PAPSS2: variants seen among roughly 807,000 people sequenced by gnomAD.
PAPSS2 encodes bifunctional 3'-phosphoadenosine 5'-phosphosulfate synthase 2.
PAPSS2 carries 61 observed loss-of-function variants against 66.5 expected under a neutral mutation model. That is an observed-to-expected ratio of 0.92 (90% CI 0.75 to 1.14). The LOEUF is 1.14. Ranked by LOEUF, PAPSS2 falls within the 50% of genes most tolerant of loss-of-function variation. PAPSS2 has a pLI of 0.00. For synonymous variants in PAPSS2, 289 were observed against 287.5 expected, an observed-to-expected ratio of 1.01 and a Z score of -0.05; for missense variants, 708 against 789.6, an observed-to-expected ratio of 0.90 and a Z score of 1.24.
chr10:87,713,337 C>T (rs763299868), intron 3 of PAPSS2, 27 bp downstream of exon 3: 5 of 740,074 alleles, frequency 6.8e-6, no homozygotes, highest in Non-Finnish European at 1.0e-5. Flanking sequence ...AAAAAAAAGG[C>T]ACTACACACG....
chr10:87,672,991 A>G (rs1197107781), intron 1 of PAPSS2, among the ~76,000 whole-genome samples: 1 of 152,230 alleles, frequency 6.6e-6, no homozygotes, highest in African/African-American at 2.4e-5. Flanking sequence ...AAGGATGGGT[A>G]TTTCTGTGTG....
intron 1 of PAPSS2, among the ~76,000 whole-genome samples, chr10:87,663,396 G>A (rs1339433589): frequency 6.6e-6 from 1 of 152,062 alleles, no homozygotes; most frequent in Non-Finnish European, 1.5e-5. Context: ...GCAGGCTTGA[G>A]CCACTGCCCC....
intron 9 of PAPSS2, among the ~76,000 whole-genome samples, chr10:87,732,576 C>T (rs1370787139): frequency 6.6e-6 from 1 of 152,006 alleles, no homozygotes; most frequent in Non-Finnish European, 1.5e-5. Flanking sequence ...AATGCCATTG[C>T]ACACTTCATA....
intron 9 of PAPSS2, among the ~76,000 whole-genome samples, chr10:87,731,450 C>T (rs983025848): frequency 1.3e-5 from 2 of 152,166 alleles, no homozygotes; most frequent in Admixed American, 6.6e-5. Flanking sequence ...CTGCAGCCCA[C>T]GGATCAAAGA....
chr10:87,695,886 AT>A (rs1853228522), intron 1 of PAPSS2, among the ~76,000 whole-genome samples: 1 of 152,132 alleles, frequency 6.6e-6, no homozygotes, highest in African/African-American at 2.4e-5. Flanking sequence ...CCATAAGGAG[AT>A]GCTTTTTAAA....
In PAPSS2 at chr10:87,747,013, G is replaced by C. The variant is rs1242758116; in HGVS notation, c.*1043G>C. On this transcript the variant is annotated 3_prime_UTR_variant, in exon 13 of 13. Coordinates refer to ENST00000456849, the MANE Select transcript of PAPSS2 (RefSeq NM_001015880.2). ...GCTGGTGGCAGTGAAGAAGCACCCA[G>C]GCCACTTGACTCCCAGTCTGGTGCC... The C allele has an allele frequency of 6.6e-6, 1 of 152,100 alleles. No individual in the cohort carries two copies. The highest frequency in any genetic ancestry group is 1.5e-5 in the Non-Finnish European group (1 of 68,016). The allele number at this position is 152,100 out of a possible 1,614,324, so 9.4% of individuals were successfully genotyped here.
chr10:87,701,873 A>G (rs7075360), intron 1 of PAPSS2, among the ~76,000 whole-genome samples: 1 of 152,220 alleles, frequency 6.6e-6, no homozygotes, highest in African/African-American at 2.4e-5. Context: ...ACCTGGGGGA[A>G]AAAACAGTAA....
chr10:87,685,832 C>T (rs1410410929), intron 1 of PAPSS2, among the ~76,000 whole-genome samples: 1 of 152,246 alleles, frequency 6.6e-6, no homozygotes, highest in East Asian at 1.9e-4. Flanking sequence ...CTTGGCTTCT[C>T]CTTGGCTGGA....
At position 87,745,160 on chromosome 10, in the gene PAPSS2, G is replaced by C; in HGVS notation, c.1650G>C (p.Val550=). ...VLSMAPGLTS[V]EIIPFRVAAY... is the part of the protein sequence containing the mutation. ...GCATGGCCCCTGGCCTCACCTCTGT[G>C]GAAATCATTCCATTCCGAGTGGCTG... Residue 550 remains valine, a synonymous_variant, in exon 12 of 13, where the codon GTG becomes GTC. Coordinates refer to ENST00000456849, the MANE Select transcript of PAPSS2 (RefSeq NM_001015880.2). The C allele has an allele frequency of 6.2e-7, 1 of 1,614,090 alleles. No individual in the cohort carries two copies. Among genetic ancestry groups the C allele is most frequent in the Non-Finnish European group, 8.5e-7 (1 of 1,179,990 alleles).
intron 1 of PAPSS2, among the ~76,000 whole-genome samples, chr10:87,706,129 T>A (rs1287427802): frequency 7.5e-6 from 1 of 133,090 alleles, no homozygotes; most frequent in East Asian, 2.4e-4. Context: ...TGTGTGTGTG[T>A]GTGTGTGTGT....
chr10:87,689,485 G>A (rs1853140239), intron 1 of PAPSS2, among the ~76,000 whole-genome samples: 1 of 151,834 alleles, frequency 6.6e-6, no homozygotes, highest in Admixed American at 6.6e-5. Context: ...AGCCTAACAT[G>A]GTGAAACCCC....
intron 1 of PAPSS2, among the ~76,000 whole-genome samples, chr10:87,707,347 T>C (rs1853403774): frequency 6.6e-6 from 1 of 152,200 alleles, no homozygotes; most frequent in Non-Finnish European, 1.5e-5. Flanking sequence ...ATTTTCCTGG[T>C]CCCGAATCCA....
intron 1 of PAPSS2, among the ~76,000 whole-genome samples, chr10:87,701,374 T>TTCTTTCTA (rs1853310524): frequency 8.9e-6 from 1 of 112,524 alleles, no homozygotes; most frequent in Non-Finnish European, 1.7e-5. Flanking sequence ...CTTTCTTTCT[T>TTCTTTCTA]TCTTTCTTTC....
intron 1 of PAPSS2, among the ~76,000 whole-genome samples, chr10:87,696,547 T>A (rs1385986232): frequency 6.6e-6 from 1 of 152,260 alleles, no homozygotes; most frequent in East Asian, 1.9e-4. Flanking sequence ...GATATGCCTA[T>A]ACTTGTTGTA....
chr10:87,670,263 A>G (rs1264332617), intron 1 of PAPSS2, among the ~76,000 whole-genome samples: 1 of 152,248 alleles, frequency 6.6e-6, no homozygotes, highest in Non-Finnish European at 1.5e-5. Flanking sequence ...CCAAGTTGTA[A>G]TATTAATATG....
In PAPSS2 at chr10:87,746,416, A is replaced by T. The variant is rs187431297; in HGVS notation, c.*446A>T. 0.01 allele frequency: 1,555 copies of T among 153,044 alleles called. 29 individuals carry two copies. The highest frequency in any genetic ancestry group is 0.035 in the African/African-American group (1,443 of 41,210). The allele number at this position is 153,044 out of a possible 1,614,324, so 9.5% of individuals were successfully genotyped here. ...TTCTGTACAATTGACAAAAAAAAAA[A>T]TTTTTTTTTCTCACTCTAAAAGAGG... is the stretch of plus-strand genomic sequence containing the variant. On this transcript the variant is annotated 3_prime_UTR_variant, in exon 13 of 13. Transcript: ENST00000456849.
chr10:87,660,302 G>A (rs148074916), intron 1 of PAPSS2: 13 of 567,890 alleles, frequency 2.3e-5, no homozygotes, highest in African/African-American at 2.3e-4. Flanking sequence ...TCTAGATCCA[G>A]GACCAGGGAC....
At chr10:87,679,713 T>G (rs1215544915) in intron 1 of PAPSS2, among the ~76,000 whole-genome samples, 1 of 151,934 alleles carries the variant, frequency 6.6e-6, no homozygotes, top group Non-Finnish European at 1.5e-5. Flanking sequence ...TATATAGAAC[T>G]CCTATAAATC....
At position 87,673,578 on chromosome 10, in the gene PAPSS2, ATGTG is replaced by A. The variant is rs35768490; in HGVS notation, c.27+13592_27+13595del. 1.6e-3 allele frequency among the ~76,000 whole-genome samples: 237 copies of A among 148,092 alleles called. 2 individuals carry two copies. Among genetic ancestry groups the A allele is most frequent in the African/African-American group, 4.2e-3 (171 of 40,430 alleles). On this transcript the variant is annotated intron_variant, in intron 1 of 12. Coordinates refer to ENST00000456849, the MANE Select transcript of PAPSS2 (RefSeq NM_001015880.2). Reference sequence around the variant, plus strand: ...TGTGTGTTTGTGTGTGTATGTATTCATGTGTGTGTGTGTGTGTGTGTGTGTCTAA... The same window carrying A: ...TGTGTGTTTGTGTGTGTATGTATTCATGTGTGTGTGTGTGTGTGTGTCTAA...
Sources: allele counts gnomAD v4.1 joint callset (sites outside exome capture counted in the v4.1 genomes callset), GRCh38; gene constraint gnomAD v4.1.1; transcripts MANE v1.5; gene names NCBI Gene and HGNC (gene_info 2026-07-23, HGNC 2026-07-21).